The following DNM3 variants were observed in gnomAD, a reference collection of about 807,000 sequenced individuals.
The protein encoded by DNM3 is dynamin 3.
In DNM3, 47 loss-of-function variants were observed where a neutral mutation model predicts 101.6. The observed-to-expected ratio is 0.46, with a 90% confidence interval of 0.37 to 0.59. The LOEUF (loss-of-function observed/expected upper bound fraction) is 0.59. Ranked by LOEUF, DNM3 falls within the 20% of genes least tolerant of loss-of-function variation. The probability of loss-of-function intolerance (pLI) is 0.00; values close to 1 mark genes in which losing one functional copy is unlikely to be tolerated. For missense variants in DNM3, 849 were observed against 1,085.7 expected (o/e 0.78, Z 3.06); for synonymous variants, 385 against 387.9 (o/e 0.99, Z 0.09).
intron 15 of DNM3, among the ~76,000 whole-genome samples, chr1:172,280,827 A>ATAT (rs2063462473): frequency 2.6e-5 from 4 of 152,210 alleles, no homozygotes; most frequent in Non-Finnish European, 5.9e-5. Context: ...GCATGCATAC[A>ATAT]TGCACACACA....
At chr1:172,143,835 C>A (rs2057727865) in intron 14 of DNM3, among the ~76,000 whole-genome samples, 1 of 152,114 alleles carries the variant, frequency 6.6e-6, no homozygotes, top group Non-Finnish European at 1.5e-5. Context: ...GGGCAAATCC[C>A]ATCTGCATTG....
intron 16 of DNM3, among the ~76,000 whole-genome samples, chr1:172,320,717 C>T (rs1042254318): frequency 2.0e-5 from 3 of 151,986 alleles, no homozygotes; most frequent in Admixed American, 6.6e-5. Context: ...CTAAGCAAGC[C>T]GAGTTATTTA....
chr1:172,278,180 A>G (rs1289445945), intron 15 of DNM3, among the ~76,000 whole-genome samples: 6 of 152,084 alleles, frequency 3.9e-5, no homozygotes, highest in Non-Finnish European at 7.4e-5. Context: ...GCGCCAGTCT[A>G]TTTTCCTTAG....
intron 14 of DNM3, among the ~76,000 whole-genome samples, chr1:172,182,874 A>G (rs2059396198): frequency 6.6e-6 from 1 of 152,186 alleles, no homozygotes; most frequent in Admixed American, 6.6e-5. Flanking sequence ...ATATGAGAAT[A>G]GTATCAGCAC....
Position 172,204,110 on chromosome 1 carries a change from G to A in DNM3, c.1660-49463G>A, listed in dbSNP as rs779553897. Among the ~76,000 whole-genome samples the A allele has an allele frequency of 2.6e-5, 4 of 152,030 alleles. No homozygotes were observed. In the South Asian group the frequency reaches 6.2e-4, roughly 24 times the overall value. On this transcript the variant is annotated intron_variant, in intron 14 of 20. Transcript: ENST00000627582. ...CAGTGCTATGGCATATTTTGACAGA[G>A]ACCAGGTGTGCTACTTTTCTTCTGT...
intron 1 of DNM3, among the ~76,000 whole-genome samples, chr1:171,845,483 G>A (rs932661631): frequency 1.3e-5 from 2 of 152,192 alleles, no homozygotes; most frequent in African/African-American, 2.4e-5. Flanking sequence ...AGTCCAGGAG[G>A]TCAAAGCTGT....
intron 14 of DNM3, among the ~76,000 whole-genome samples, chr1:172,209,827 A>G (rs2060451903): frequency 6.6e-6 from 1 of 152,126 alleles, no homozygotes; most frequent in Non-Finnish European, 1.5e-5. Context: ...CTGGGTTTAA[A>G]TAGCTAAGTA....
intron 15 of DNM3, among the ~76,000 whole-genome samples, chr1:172,307,775 A>G (rs2064900176): frequency 1.3e-5 from 2 of 152,174 alleles, no homozygotes; most frequent in African/African-American, 4.8e-5. Context: ...TCACAAGGAC[A>G]GAAAACCAAA....
chr1:172,065,497 T>G (rs576461975), intron 10 of DNM3, among the ~76,000 whole-genome samples: 1 of 152,230 alleles, frequency 6.6e-6, no homozygotes, highest in Non-Finnish European at 1.5e-5. Flanking sequence ...TCTCTTCCAC[T>G]CTGAAGGCTT....
chr1:172,097,073 G>T (rs1030417338), intron 13 of DNM3, among the ~76,000 whole-genome samples: 7 of 152,236 alleles, frequency 4.6e-5, no homozygotes, highest in African/African-American at 1.7e-4. Flanking sequence ...TGCAGGAGAA[G>T]GGGGAGCAGG....
At chr1:171,906,795 T>C (rs1420497301) in intron 1 of DNM3, among the ~76,000 whole-genome samples, 3 of 152,234 alleles carry the variant, frequency 2.0e-5, no homozygotes, top group African/African-American at 4.8e-5. Flanking sequence ...GCAGTCCTGC[T>C]ATGTGCTTTA....
intron 17 of DNM3, 132 bp from the exon 18 acceptor site, chr1:172,378,886 T>C: frequency 9.4e-7 from 1 of 1,064,708 alleles, no homozygotes. Context: ...ATGCATAAGA[T>C]AAAAATGTTA....
At chr1:172,146,978 T>C (rs552534890) in intron 14 of DNM3, among the ~76,000 whole-genome samples, 2 of 152,290 alleles carry the variant, frequency 1.3e-5, no homozygotes, top group South Asian at 4.1e-4. Context: ...CTAATCATTA[T>C]GACTCGTGAA....
intron 14 of DNM3, among the ~76,000 whole-genome samples, chr1:172,199,920 T>C (rs1008960809): frequency 4.9e-5 from 7 of 142,636 alleles, no homozygotes; most frequent in Non-Finnish European, 9.7e-5. Flanking sequence ...AGGTTAGTAT[T>C]GATATGTGTG....
intron 15 of DNM3, among the ~76,000 whole-genome samples, chr1:172,262,143 G>T (rs1283928992): frequency 6.6e-6 from 1 of 152,190 alleles, no homozygotes; most frequent in East Asian, 1.9e-4. Context: ...CCTGGGTGGA[G>T]CCATAAGCTG....
chr1:171,875,341 C>A (rs187718258), intron 1 of DNM3, among the ~76,000 whole-genome samples: 2 of 152,300 alleles, frequency 1.3e-5, no homozygotes, highest in East Asian at 3.9e-4. Context: ...TATTCAGCCA[C>A]TTCTAGAGTT....
At chr1:172,232,467 A>T (rs1040068970) in intron 14 of DNM3, among the ~76,000 whole-genome samples, 8 of 152,196 alleles carry the variant, frequency 5.3e-5, no homozygotes, top group East Asian at 1.9e-4. Flanking sequence ...CTGTCAACAT[A>T]AGACAGATCA....
chr1:172,147,482 T>G (rs1003554551), intron 14 of DNM3, among the ~76,000 whole-genome samples: 4 of 152,142 alleles, frequency 2.6e-5, no homozygotes, highest in African/African-American at 9.6e-5. Context: ...TAGATGGTTT[T>G]GGGTGACTAC....
chr1:171,945,952 G>C (rs778101831), intron 2 of DNM3, among the ~76,000 whole-genome samples: 4 of 152,300 alleles, frequency 2.6e-5, no homozygotes, highest in Non-Finnish European at 4.4e-5. Flanking sequence ...GGAAACTAAA[G>C]AAGACCGACA....
Sources: allele counts gnomAD v4.1 joint callset (sites outside exome capture counted in the v4.1 genomes callset), GRCh38; gene constraint gnomAD v4.1.1; transcripts MANE v1.5; gene names NCBI Gene and HGNC (gene_info 2026-07-23, HGNC 2026-07-21).